KDM4C: variants seen among roughly 807,000 people sequenced by gnomAD.
KDM4C encodes the protein lysine demethylase 4C, also known as lysine-specific demethylase 4C.
A neutral mutation model predicts 129.3 loss-of-function variants in KDM4C; 81 were observed. The observed-to-expected ratio is 0.63, with a 90% confidence interval of 0.52 to 0.75. The LOEUF (loss-of-function observed/expected upper bound fraction) is 0.75, where lower values mean the gene tolerates loss of function less well. Among genes scored for constraint, KDM4C ranks in the 30% least tolerant of loss-of-function variants. The pLI is 0.00. For missense variants in KDM4C, 1,457 were observed against 1,304.0 expected (o/e 1.12, Z -1.81); for synonymous variants, 573 against 456.1 (o/e 1.26, Z -3.26).
At chr9:6,736,517 A>G (rs1292750683) in intron 1 of KDM4C, among the ~76,000 whole-genome samples, 1 of 152,150 alleles carries the variant, frequency 6.6e-6, no homozygotes, top group Non-Finnish European at 1.5e-5. Flanking sequence ...GCCAAGGTAC[A>G]GCTCAGGCTG....
intron 12 of KDM4C, among the ~76,000 whole-genome samples, chr9:6,997,751 G>A (rs1008324903): frequency 6.6e-6 from 1 of 152,218 alleles, no homozygotes; most frequent in Non-Finnish European, 1.5e-5. Flanking sequence ...TGAATGATAA[G>A]TGTTCCTAAC....
chr9:6,731,231 A>T (rs144140018), intron 1 of KDM4C, among the ~76,000 whole-genome samples: 125 of 152,260 alleles, frequency 8.2e-4, no homozygotes, highest in African/African-American at 3.0e-3. Context: ...ACAGGAGAAA[A>T]ACAAAACGTG....
At chr9:6,737,664 C>G (rs74336661) in intron 1 of KDM4C, among the ~76,000 whole-genome samples, 3 of 47,480 alleles carry the variant, frequency 6.3e-5, no homozygotes, top group Non-Finnish European at 1.2e-4. Context: ...GACTTCATCT[C>G]AAAAAAAAAA....
At chr9:6,976,636 G>T (rs1198926578) in intron 8 of KDM4C, among the ~76,000 whole-genome samples, 1 of 152,110 alleles carries the variant, frequency 6.6e-6, no homozygotes, top group Non-Finnish European at 1.5e-5. Context: ...CTGTAGTTCT[G>T]ATCTAATGTG....
At chr9:6,892,168 T>A (rs768323411) in intron 7 of KDM4C, among the ~76,000 whole-genome samples, 2 of 152,204 alleles carry the variant, frequency 1.3e-5, no homozygotes, top group Non-Finnish European at 2.9e-5. Context: ...TTGCAGCAAC[T>A]GAAAGAATTT....
chr9:7,098,250 T>A (rs1034217005), intron 17 of KDM4C, among the ~76,000 whole-genome samples: 1 of 152,232 alleles, frequency 6.6e-6, no homozygotes, highest in African/African-American at 2.4e-5. Context: ...CTGTCCATTT[T>A]TTTTAGCTCT....
At chr9:7,001,640 G>C (rs1168172980) in intron 12 of KDM4C, among the ~76,000 whole-genome samples, 1 of 152,104 alleles carries the variant, frequency 6.6e-6, no homozygotes, top group Non-Finnish European at 1.5e-5. Flanking sequence ...CAGCTGTTTT[G>C]TGTGATCTGC....
At chr9:7,070,776 C>G (rs1833087755) in intron 17 of KDM4C, among the ~76,000 whole-genome samples, 1 of 152,150 alleles carries the variant, frequency 6.6e-6, no homozygotes, top group Non-Finnish European at 1.5e-5. Flanking sequence ...ACACTGAATT[C>G]TTTCCTGTGA....
chr9:6,884,042 A>G (rs1237906197), intron 6 of KDM4C, among the ~76,000 whole-genome samples: 1 of 152,150 alleles, frequency 6.6e-6, no homozygotes, highest in Non-Finnish European at 1.5e-5. Context: ...AACGCGCACC[A>G]TGTCTAGGAG....
At chr9:7,169,087 C>G (rs959391798) in intron 20 of KDM4C, among the ~76,000 whole-genome samples, 1 of 146,640 alleles carries the variant, frequency 6.8e-6, no homozygotes, top group Non-Finnish European at 1.5e-5. Flanking sequence ...ATTATCTTTT[C>G]TTTCACAGAG....
intron 18 of KDM4C, among the ~76,000 whole-genome samples, chr9:7,109,085 A>G (rs1192368744): frequency 1.3e-5 from 2 of 152,220 alleles, no homozygotes; most frequent in Non-Finnish European, 2.9e-5. Context: ...TAAATAGGGT[A>G]GAAGTGAATG....
At chr9:6,739,755 G>A (rs1817629600) in intron 1 of KDM4C, among the ~76,000 whole-genome samples, 1 of 151,454 alleles carries the variant, frequency 6.6e-6, no homozygotes, top group African/African-American at 2.4e-5. Flanking sequence ...CCAGCACTTT[G>A]GGAGACCAAG....
At chr9:6,740,346 G>A (rs1443865386) in intron 1 of KDM4C, among the ~76,000 whole-genome samples, 1 of 152,040 alleles carries the variant, frequency 6.6e-6, no homozygotes, top group Non-Finnish European at 1.5e-5. Context: ...TGAGACTACA[G>A]GCGCCCGTCA....
At chr9:6,779,334 T>A (rs952230940) in intron 1 of KDM4C, among the ~76,000 whole-genome samples, 3 of 143,978 alleles carry the variant, frequency 2.1e-5, no homozygotes, top group Non-Finnish European at 3.0e-5. Context: ...TCTTTTAATA[T>A]GAAAAGACTT....
chr9:6,970,700 C>T (rs181967140), intron 8 of KDM4C, among the ~76,000 whole-genome samples: 2 of 152,294 alleles, frequency 1.3e-5, no homozygotes, highest in Admixed American at 6.5e-5. Flanking sequence ...CCATTTTCAA[C>T]TTATGTCCTG....
chr9:7,076,434 G>A (rs1451613213), intron 17 of KDM4C: 3 of 1,547,052 alleles, frequency 1.9e-6, no homozygotes, highest in Non-Finnish European at 2.6e-6. Flanking sequence ...TGTTTTTCAG[G>A]GAAGGCTGGG....
intron 17 of KDM4C, among the ~76,000 whole-genome samples, chr9:7,086,866 G>T (rs946208024): frequency 1.3e-5 from 2 of 152,178 alleles, no homozygotes; most frequent in Non-Finnish European, 2.9e-5. Flanking sequence ...CCTGCAGTCT[G>T]CAGGGTCTCC....
chr9:6,792,200 C>T (rs1480229469), intron 1 of KDM4C, among the ~76,000 whole-genome samples: 4 of 150,916 alleles, frequency 2.7e-5, no homozygotes, highest in East Asian at 2.0e-4. Context: ...AAAGGTAGCC[C>T]GGCATGGTGG....
In KDM4C at chr9:6,783,613, G is replaced by A. The variant is rs531956885; in HGVS notation, c.-17-9359G>A. Reference sequence around the variant, plus strand: ...CATACCAATAGTGGAGGGGTTCGCTGAGGAATAGGGGCATGGAAAGGAGTT... The same window carrying A: ...CATACCAATAGTGGAGGGGTTCGCTAAGGAATAGGGGCATGGAAAGGAGTT... On this transcript the variant is annotated intron_variant, in intron 1 of 21. Coordinates refer to ENST00000381309, the MANE Select transcript of KDM4C (RefSeq NM_015061.6). Among the ~76,000 whole-genome samples, 54 of 152,274 alleles carry A rather than the reference G, an allele frequency of 3.5e-4. No individual in the cohort carries two copies. In the South Asian group the frequency reaches 0.011, roughly 31 times the overall value.
Sources: allele counts gnomAD v4.1 joint callset (sites outside exome capture counted in the v4.1 genomes callset), GRCh38; gene constraint gnomAD v4.1.1; transcripts MANE v1.5; gene names NCBI Gene and HGNC (gene_info 2026-07-23, HGNC 2026-07-21).